RORC: variants seen among roughly 807,000 people sequenced by gnomAD.
RORC encodes nuclear receptor ROR-gamma.
Under a neutral mutation model 64.5 loss-of-function variants are expected in RORC, and 13 were observed. The observed-to-expected ratio is 0.20, with a 90% CI of 0.13 to 0.32. The LOEUF (loss-of-function observed/expected upper bound fraction) is 0.32, where lower values mean the gene tolerates loss of function less well. Ranked by LOEUF, RORC falls within the 10% of genes least tolerant of loss-of-function variation. The pLI, the probability that RORC is intolerant of heterozygous loss-of-function variation, is 1.00. For synonymous variants in RORC, 277 were observed against 259.3 expected, an observed-to-expected ratio of 1.07 and a Z score of -0.65; for missense variants, 468 against 669.5, an observed-to-expected ratio of 0.70 and a Z score of 3.32.
chr1:151,812,877 A>T, intron 9 of RORC, 70 bp downstream of exon 9: 2 of 982,266 alleles, frequency 2.0e-6, no homozygotes, highest in Non-Finnish European at 3.2e-6. Flanking sequence ...CTGAAGGTCT[A>T]GACTCTTCTT....
intron 2 of RORC, among the ~76,000 whole-genome samples, chr1:151,828,845 G>T (rs952134328): frequency 6.6e-6 from 1 of 152,158 alleles, no homozygotes; most frequent in Non-Finnish European, 1.5e-5. Context: ...CAGGCGTGGT[G>T]GTGGGTGCCT....
intron 3 of RORC, 81 bp from the exon 4 acceptor site, chr1:151,816,886 C>T: frequency 1.4e-6 from 2 of 1,399,564 alleles, no homozygotes; most frequent in Non-Finnish European, 1.9e-6. Context: ...CCCACAAGCT[C>T]TGGCAGCTTT....
At chr1:151,822,720 G>C (rs1468200975) in intron 2 of RORC, among the ~76,000 whole-genome samples, 1 of 152,204 alleles carries the variant, frequency 6.6e-6, no homozygotes, top group Non-Finnish European at 1.5e-5. Flanking sequence ...GAGGGTAGTG[G>C]ACCCAGAAAG....
At chr1:151,828,500 G>C (rs1213185465) in intron 2 of RORC, among the ~76,000 whole-genome samples, 1 of 152,170 alleles carries the variant, frequency 6.6e-6, no homozygotes, top group Admixed American at 6.5e-5. Context: ...CTGAGCTCTA[G>C]TGCCCTTCTT....
chr1:151,827,515 G>A lies in RORC; in HGVS notation c.70+1914C>T, dbSNP rs145212344. On this transcript the variant is annotated intron_variant, in intron 2 of 10. Coordinates refer to ENST00000318247, the MANE Select transcript of RORC (RefSeq NM_005060.4). ...TATTCAGGCTCCCTCTTGGTCTGGG[G>A]AGTTCCCCCGGGTTCCCCATCTTGG... Among the ~76,000 whole-genome samples, 521 of 152,232 alleles carry A rather than the reference G, an allele frequency of 3.4e-3. 2 individuals carry two copies. Among genetic ancestry groups the A allele is most frequent in the Non-Finnish European group, 5.7e-3 (390 of 68,014 alleles).
intron 2 of RORC, among the ~76,000 whole-genome samples, chr1:151,827,465 A>G (rs1652239512): frequency 6.6e-6 from 1 of 151,922 alleles, no homozygotes; most frequent in Admixed American, 6.6e-5. Flanking sequence ...ATTGGCTTTG[A>G]GAGTCCCTCT....
At chr1:151,816,905 C>G in intron 3 of RORC, 100 bp from the exon 4 acceptor site, 5 of 1,265,646 alleles carry the variant, frequency 4.0e-6, no homozygotes, top group Non-Finnish European at 5.3e-6. Context: ...TTTCTACATC[C>G]CACGACCTGT....
At chr1:151,823,995 C>A (rs1652094754) in intron 2 of RORC, among the ~76,000 whole-genome samples, 1 of 152,198 alleles carries the variant, frequency 6.6e-6, no homozygotes, top group African/African-American at 2.4e-5. Context: ...ACATTACTCT[C>A]TCCCTAGGTG....
Position 151,831,771 on chromosome 1 carries a change from G to C in RORC, c.-7C>G, listed in dbSNP as rs1652428001. The C allele has an allele frequency of 6.2e-7, 1 of 1,608,292 alleles. No individual in the cohort carries two copies. The highest frequency in any genetic ancestry group is 8.5e-7 in the Non-Finnish European group (1 of 1,179,832). On this transcript the variant is annotated 5_prime_UTR_variant, in exon 1 of 11. Coordinates refer to ENST00000318247, the MANE Select transcript of RORC (RefSeq NM_005060.4). ...TCTGTGGGGCCCTGTCCATGGGGCA[G>C]CTCCCTTGGTGCCGTCCTGGCTGCC... is the stretch of plus-strand genomic sequence containing the variant.
At chr1:151,814,850 C>A in intron 5 of RORC, 63 bp downstream of exon 5, 1 of 1,568,196 alleles carries the variant, frequency 6.4e-7, no homozygotes, top group Non-Finnish European at 8.7e-7. Flanking sequence ...TTGATTGATA[C>A]GGGGTACTGG....
chr1:151,811,329 G>C lies in RORC; in HGVS notation c.1391C>G (p.Ala464Gly), dbSNP rs113195254. ...LCKTHRQSIL[A>G]KLPPKGKLRS... The stretch of plus-strand genomic sequence containing the variant: ...TACCCCAGGGACTGCTCCTACCTTT[G>C]CCAGGATGCTTTGGCGATGAGTCTT... Residue 464 changes from alanine to glycine, a missense_variant, in exon 10 of 11, where the codon GCA (alanine) becomes GGA (glycine). Ala to Gly is a moderately conservative substitution (Grantham distance 60). Transcript: ENST00000318247. The C allele has an allele frequency of 1.3e-3, 2,116 of 1,609,822 alleles. 9 individuals carry two copies. The highest frequency in any genetic ancestry group is 0.013 in the African/African-American group (984 of 74,932).
rs199964052 is a variant in RORC, at chr1:151,826,097, G to T, written c.70+3332C>A. On this transcript the variant is annotated intron_variant, in intron 2 of 10. Transcript: ENST00000318247. ...CTCTCTCCCCCAGTGCTTCTGGACT[G>T]GGGGGTTTAAGCTCTGCACCACACA... 4 of 1,437,212 alleles carry T rather than the reference G, an allele frequency of 2.8e-6. No homozygotes were observed. In the African/African-American group the frequency reaches 4.3e-5, roughly 15 times the overall value. 89.0% of individuals were successfully genotyped at this position (1,437,212 alleles called of 1,614,324 possible).
At position 151,826,139 on chromosome 1, in the gene RORC, C is replaced by T. The variant is rs546659478; in HGVS notation, c.70+3290G>A. On this transcript the variant is annotated intron_variant, in intron 2 of 10. Coordinates refer to ENST00000318247, the MANE Select transcript of RORC (RefSeq NM_005060.4). ...CACCACACAGGTGGCCAAGTGACAA[C>T]CCCCCACCCCACCCCCAAGGGGTGC... is the stretch of plus-strand genomic sequence containing the variant. The T allele has an allele frequency of 6.6e-5, 83 of 1,255,802 alleles. 1 individual carries two copies. The African/African-American group carries it at 1.1e-3, about 16-fold the overall frequency. 77.8% of individuals were successfully genotyped at this position (1,255,802 alleles called of 1,614,324 possible).
chr1:151,818,257 G>T (rs1651849483), intron 2 of RORC, among the ~76,000 whole-genome samples: 1 of 152,180 alleles, frequency 6.6e-6, no homozygotes, highest in Non-Finnish European at 1.5e-5. Flanking sequence ...TTGAAGGTGT[G>T]CTTGTGGGTG....
intron 2 of RORC, among the ~76,000 whole-genome samples, chr1:151,828,289 C>T (rs1006716914): frequency 2.0e-5 from 3 of 152,162 alleles, no homozygotes; most frequent in African/African-American, 7.2e-5. Flanking sequence ...ATGGTGTGGC[C>T]ACTCCTACCC....
In RORC at chr1:151,806,827, C is replaced by T. The variant is rs1391610840; in HGVS notation, c.*645G>A. ...GCCTTCATTGTACCCTAGTCCCACA[C>T]CCAAATCCCATAAAACAATTATCTC... On this transcript the variant is annotated 3_prime_UTR_variant, in exon 11 of 11. Coordinates refer to ENST00000318247, the MANE Select transcript of RORC (RefSeq NM_005060.4). 2 of 152,218 alleles carry T rather than the reference C, an allele frequency of 1.3e-5. No individual in the cohort carries two copies. Among genetic ancestry groups the T allele is most frequent in the Admixed American group, 1.3e-4 (2 of 15,278 alleles). The allele number at this position is 152,218 out of a possible 1,614,324, so 9.4% of individuals were successfully genotyped here.
rs761129194 is a variant in RORC at position 151,815,360 on chromosome 1, G to A, written c.364C>T (p.Leu122=). 1 of 1,579,552 alleles carries A rather than the reference G, an allele frequency of 6.3e-7. No individual in the cohort carries two copies. The highest frequency in any genetic ancestry group is 1.2e-5 in the South Asian group (1 of 85,410). ...DSLHAEVQKQ[L]QQRQQQQQEP... The stretch of plus-strand genomic sequence containing the variant: ...TGTTGCTGCTGTTGCCGCTGCTGCA[G>A]CTGTTTCTGCACTTCTGCATGCAGG... Residue 122 remains leucine, a synonymous_variant, in exon 5 of 11, where the codon CTG becomes TTG. Transcript: ENST00000318247.
Position 151,830,659 on chromosome 1 carries a change from C to CACACACACACACACACACAA in RORC, c.40+1065_40+1066insTTGTGTGTGTGTGTGTGTGT. ...ACACACACACACACACACACACACA[C>CACACACACACACACACACAA]ACAGTGCCCTTCTGCCCGGGAGATG... On this transcript the variant is annotated intron_variant, in intron 1 of 10. Coordinates refer to ENST00000318247, the MANE Select transcript of RORC (RefSeq NM_005060.4). The surrounding 1 kb of genome is among the most constrained non-coding windows in gnomAD (Gnocchi z 4.0). Among the ~76,000 whole-genome samples, 1 of 139,158 alleles carries CACACACACACACACACACAA rather than the reference C, an allele frequency of 7.2e-6. No homozygotes were observed. The highest frequency in any genetic ancestry group is 7.1e-5 in the Admixed American group (1 of 13,996). 91.3% of individuals were successfully genotyped at this position (139,158 alleles called of 152,430 possible).
intron 2 of RORC, among the ~76,000 whole-genome samples, chr1:151,825,590 A>G (rs1250372032): frequency 6.6e-6 from 1 of 152,160 alleles, no homozygotes; most frequent in Non-Finnish European, 1.5e-5. Context: ...ACCAGCCCCC[A>G]TCAGATACCA....
Sources: allele counts gnomAD v4.1 joint callset (sites outside exome capture counted in the v4.1 genomes callset), GRCh38; gene constraint gnomAD v4.1.1; non-coding constraint Gnocchi (gnomAD v3.1); transcripts MANE v1.5; gene names NCBI Gene and HGNC (gene_info 2026-07-23, HGNC 2026-07-21).